The following SLC30A8 variants were observed in gnomAD, a reference collection of about 807,000 sequenced individuals.
SLC30A8 encodes the protein proton-coupled zinc antiporter SLC30A8.
Under a neutral mutation model 36.9 loss-of-function variants are expected in SLC30A8, and 27 were observed. That is an observed-to-expected ratio of 0.73 (90% CI 0.54 to 1.01). The LOEUF (loss-of-function observed/expected upper bound fraction) is 1.01. SLC30A8 is among the 50% of genes least tolerant of loss of function. The pLI is 0.00. For missense variants in SLC30A8, 439 were observed against 452.0 expected (o/e 0.97, Z 0.26); for synonymous variants, 164 against 172.4 (o/e 0.95, Z 0.38).
At chr8:116,981,498 A>G (rs770551115) in intron 1 of SLC30A8, among the ~76,000 whole-genome samples, 2 of 152,180 alleles carry the variant, frequency 1.3e-5, no homozygotes, top group Non-Finnish European at 2.9e-5. Context: ...TTTAGCATAC[A>G]GATTATTTCA....
In SLC30A8 at chr8:117,003,379, A is replaced by G. The variant is rs141041822; in HGVS notation, c.-265-35840A>G. On this transcript the variant is annotated intron_variant, in intron 1 of 10. Coordinates refer to the SLC30A8 transcript ENST00000427715. ...AGGGGCATGTTGGTTGAAGTTCTAT[A>G]CTAGCTTACTGAGTGTGTTAGCCTA... 1.4e-3 allele frequency among the ~76,000 whole-genome samples: 214 copies of G among 152,348 alleles called. 2 individuals carry two copies. Among genetic ancestry groups the G allele is most frequent in the African/African-American group, 4.9e-3 (202 of 41,580 alleles).
At chr8:117,104,114 A>G (rs762511330) in intron 2 of SLC30A8, among the ~76,000 whole-genome samples, 12 of 152,170 alleles carry the variant, frequency 7.9e-5, no homozygotes, top group Admixed American at 2.6e-4. Flanking sequence ...CTTCAGCAAA[A>G]GAATGTCCAA....
intron 2 of SLC30A8, among the ~76,000 whole-genome samples, chr8:117,097,415 A>AAT (rs1819430836): frequency 1.8e-5 from 2 of 113,632 alleles, no homozygotes; most frequent in African/African-American, 7.8e-5. Context: ...AAAAAAAAAA[A>AAT]AAAATATATA....
chr8:117,025,610 C>A (rs2130731368), intron 1 of SLC30A8, among the ~76,000 whole-genome samples: 1 of 152,300 alleles, frequency 6.6e-6, no homozygotes, highest in Non-Finnish European at 1.5e-5. Flanking sequence ...ATCCTTATTT[C>A]CAGTTCCATT....
At position 117,147,101 on chromosome 8, in the gene SLC30A8, ACT is replaced by A. The variant is rs1346196110; in HGVS notation, c.222_223del (p.Cys75PhefsTer35). Reference sequence around the variant, plus strand: ...ATGAGTACGCCTATGCCAAGTGGAAACTCTGTTCTGCTTCAGCAATATGCTTC... The same window carrying A: ...ATGAGTACGCCTATGCCAAGTGGAAACTGTTCTGCTTCAGCAATATGCTTC... ...ANEYAYAKWK[L>X]CSASAICFIF... On this transcript the variant is annotated frameshift_variant, in exon 2 of 8. Coordinates refer to ENST00000456015, the MANE Select transcript of SLC30A8 (RefSeq NM_173851.3). LOFTEE classifies it high-confidence loss of function. The A allele has an allele frequency of 1.9e-6, 3 of 1,613,918 alleles. No homozygotes were observed. The highest frequency in any genetic ancestry group is 1.1e-5 in the South Asian group (1 of 91,062).
In SLC30A8 at chr8:117,173,850, G is replaced by C. The variant is rs922725531; in HGVS notation, c.*1169G>C. ...ACATTGGCAGCTACAATAGTATCAT[G>C]AATTGCAATGATGTAGTGGGGTATA... On this transcript the variant is annotated 3_prime_UTR_variant, in exon 8 of 8. Coordinates refer to ENST00000456015, the MANE Select transcript of SLC30A8 (RefSeq NM_173851.3). The C allele has an allele frequency of 2.6e-5, 4 of 152,158 alleles. No individual in the cohort carries two copies. Among genetic ancestry groups the C allele is most frequent in the African/African-American group, 9.7e-5 (4 of 41,448 alleles). The allele number at this position is 152,158 out of a possible 1,614,324, so 9.4% of individuals were successfully genotyped here. A position where few individuals can be genotyped will look rare whatever the true frequency, so the allele number is the denominator to read the frequency against.
chr8:117,155,438 C>T (rs908089820), intron 3 of SLC30A8, among the ~76,000 whole-genome samples: 2 of 152,178 alleles, frequency 1.3e-5, no homozygotes, highest in Admixed American at 6.5e-5. Context: ...TCCTCATAAA[C>T]TTCTGCAAAG....
At chr8:116,956,879 T>C (rs1288279201) in intron 1 of SLC30A8, among the ~76,000 whole-genome samples, 1 of 152,216 alleles carries the variant, frequency 6.6e-6, no homozygotes, top group Non-Finnish European at 1.5e-5. Context: ...AATTACAAAG[T>C]AGTCAACATC....
chr8:117,108,074 T>C (rs1405412226), intron 2 of SLC30A8, among the ~76,000 whole-genome samples: 1 of 152,204 alleles, frequency 6.6e-6, no homozygotes, highest in African/African-American at 2.4e-5. Flanking sequence ...GTATAATATC[T>C]TATTTCGATG....
chr8:117,116,749 T>C (rs1369940516), intron 2 of SLC30A8, among the ~76,000 whole-genome samples: 1 of 152,026 alleles, frequency 6.6e-6, no homozygotes, highest in East Asian at 1.9e-4. Context: ...CACAGTGAAA[T>C]CAGAAAAGTT....
intron 1 of SLC30A8, among the ~76,000 whole-genome samples, chr8:117,029,691 C>T (rs1816975009): frequency 6.6e-6 from 1 of 152,136 alleles, no homozygotes; most frequent in Admixed American, 6.6e-5. Context: ...AAGATAATTA[C>T]AAACAAGTAG....
At chr8:117,119,911 G>A (rs191440373) in intron 2 of SLC30A8, among the ~76,000 whole-genome samples, 2 of 151,752 alleles carry the variant, frequency 1.3e-5, no homozygotes, top group African/African-American at 2.4e-5. Context: ...AAACTACTTA[G>A]GAATAAACCA....
At chr8:117,000,008 T>A (rs1382044573) in intron 1 of SLC30A8, among the ~76,000 whole-genome samples, 1 of 152,092 alleles carries the variant, frequency 6.6e-6, no homozygotes, top group African/African-American at 2.4e-5. Flanking sequence ...CTTTGGGAGA[T>A]CCTTAGTGGA....
chr8:117,032,578 A>G (rs566217883), intron 1 of SLC30A8, among the ~76,000 whole-genome samples: 11 of 152,286 alleles, frequency 7.2e-5, no homozygotes, highest in South Asian at 2.1e-4. Flanking sequence ...TTAAAATTCT[A>G]AAACTCTTTA....
intron 1 of SLC30A8, among the ~76,000 whole-genome samples, chr8:117,145,528 ATTG>A (rs1227907911): frequency 2.0e-5 from 3 of 152,040 alleles, no homozygotes; most frequent in Non-Finnish European, 4.4e-5. Context: ...AAGCTAATAT[ATTG>A]TTAGTTTTGT....
chr8:117,161,893 G>A lies in SLC30A8; in HGVS notation c.723+5G>A. The A allele has an allele frequency of 6.2e-7, 1 of 1,609,728 alleles. No individual in the cohort carries two copies. The highest frequency in any genetic ancestry group is 8.5e-7 in the Non-Finnish European group (1 of 1,177,100). Reference sequence around the variant, plus strand: ...GCACTTATTATCTACTTTAAGGTGAGTTTGAGTTTACCCACCATCCTAGTA... The same window carrying A: ...GCACTTATTATCTACTTTAAGGTGAATTTGAGTTTACCCACCATCCTAGTA... On this transcript the variant is annotated splice_donor_5th_base_variant and intron_variant, in intron 5 of 7. Transcript: ENST00000456015.
intron 7 of SLC30A8, among the ~76,000 whole-genome samples, chr8:117,172,085 G>T (rs1369395206): frequency 6.6e-6 from 1 of 152,084 alleles, no homozygotes; most frequent in East Asian, 1.9e-4. Context: ...GGCAGTGAGG[G>T]TTGCTGCTCT....
At chr8:117,001,610 GT>G (rs1174701711) in intron 1 of SLC30A8, among the ~76,000 whole-genome samples, 1 of 152,140 alleles carries the variant, frequency 6.6e-6, no homozygotes, top group Non-Finnish European at 1.5e-5. Flanking sequence ...GACTAGAATA[GT>G]TTTTTTCACG....
chr8:116,957,284 AT>A (rs958876539), intron 1 of SLC30A8, among the ~76,000 whole-genome samples: 17 of 148,778 alleles, frequency 1.1e-4, no homozygotes, highest in East Asian at 3.9e-4. Context: ...TTTATTTTTT[AT>A]TTTTTTTTTG....
Sources: allele counts gnomAD v4.1 joint callset (sites outside exome capture counted in the v4.1 genomes callset), GRCh38; gene constraint gnomAD v4.1.1; transcripts MANE v1.5; gene names NCBI Gene and HGNC (gene_info 2026-07-23, HGNC 2026-07-21).